The following DFFB variants were observed in gnomAD, a reference collection of about 807,000 sequenced individuals.
DFFB encodes the protein DNA fragmentation factor subunit beta.
DFFB carries 29 observed loss-of-function variants against 32.7 expected under a neutral mutation model. The observed-to-expected ratio is 0.89, with a 90% CI of 0.66 to 1.21. The LOEUF (loss-of-function observed/expected upper bound fraction) is 1.21. Ranked by LOEUF, DFFB falls within the 50% of genes most tolerant of loss-of-function variation. The pLI is 0.00. For synonymous variants in DFFB, 170 were observed against 177.1 expected, an observed-to-expected ratio of 0.96 and a Z score of 0.32; for missense variants, 398 against 440.6, an observed-to-expected ratio of 0.90 and a Z score of 0.87.
In DFFB at chr1:3,865,985, C is replaced by T. The variant is rs768591886; in HGVS notation, c.415C>T (p.Pro139Ser). 71 of 1,569,678 alleles carry T rather than the reference C, an allele frequency of 4.5e-5. No homozygotes were observed. The highest frequency in any genetic ancestry group is 6.1e-5 in the Non-Finnish European group (71 of 1,154,802). ...CGCGGCCGAGACCCGGGCTGAGGAC[C>T]CGCCGTGGTTTGAAGGTGCGTGGGG... is the stretch of plus-strand genomic sequence containing the variant. The part of the protein sequence containing the change: ...NIAAETRAED[P>S]PWFEGLESRF... Residue 139 changes from proline to serine, a missense_variant, in exon 3 of 7, where the codon CCG becomes TCG. By Grantham distance (74) the Pro-to-Ser change is moderately conservative. Coordinates refer to ENST00000378209, the MANE Select transcript of DFFB (RefSeq NM_004402.4). This position sits in a 1 kb window ranked among gnomAD's most constrained non-coding sequence, Gnocchi z 4.7.
chr1:3,872,052 C>T (rs1228600465), intron 5 of DFFB, among the ~76,000 whole-genome samples: 1 of 152,222 alleles, frequency 6.6e-6, no homozygotes, highest in East Asian at 1.9e-4. Flanking sequence ...CTAGTGCTGA[C>T]ATTTCAACAT....
intron 6 of DFFB, among the ~76,000 whole-genome samples, chr1:3,878,154 CTT>C (rs60515976): frequency 2.8e-5 from 4 of 141,704 alleles, no homozygotes; most frequent in African/African-American, 2.6e-5. Flanking sequence ...CAGTGAATAT[CTT>C]TTTTTTTTTT....
rs10909811 is a variant in DFFB, at chr1:3,869,846, G to A, written c.681+71G>A. 151,770 of 1,470,582 alleles carry A rather than the reference G, an allele frequency of 0.1. 8,353 individuals are homozygous for A. Among genetic ancestry groups the A allele is most frequent in the East Asian group, 0.21 (8,773 of 41,548 alleles). The allele number at this position is 1,470,582 out of a possible 1,614,324, so 91.1% of individuals were successfully genotyped here. On this transcript the variant is annotated intron_variant, in intron 5 of 6. Transcript: ENST00000378209. Reference sequence around the variant, plus strand: ...GAACACAGCCCGCCTGGGGCGAGGCGGGTGGGGACCTTCAGCCCTTGCCCT... The same window carrying A: ...GAACACAGCCCGCCTGGGGCGAGGCAGGTGGGGACCTTCAGCCCTTGCCCT...
rs772779769 is a variant in DFFB at position 3,858,793 on chromosome 1, C to T, written c.190C>T (p.Pro64Ser). 2.0e-5 allele frequency: 32 copies of T among 1,613,988 alleles called. No homozygotes were observed. The African/African-American group carries it at 3.2e-4, about 16-fold the overall frequency. Residue 64 changes from proline (P) to serine (S), a missense_variant, in exon 2 of 7, where the codon CCC becomes TCC. Transcript: ENST00000378209. ...ELTEDYFPSV[P>S]DNAELVLLTL... is the part of the protein sequence containing the mutation. ...GACGGAAGATTACTTCCCCAGTGTT[C>T]CCGACAACGCCGAGCTGGTGCTGCT...
At position 3,865,944 on chromosome 1, in the gene DFFB, A is replaced by T. The variant is rs920129801; in HGVS notation, c.374A>T (p.Asn125Ile). ...AGGCTGCTGGCTGACCTCCTGCACA[A>T]CGTCAGCCAGAACATCGCGGCCGAG... ...RQRLLADLLH[N>I]VSQNIAAETR... Residue 125 changes from asparagine to isoleucine, a missense_variant, in exon 3 of 7, where the codon AAC (asparagine) becomes ATC (isoleucine). Physicochemically the swap from Asn to Ile is moderately radical, Grantham distance 149 (BLOSUM62 -3). Transcript: ENST00000378209. The surrounding 1 kb of genome is among the most constrained non-coding windows in gnomAD (Gnocchi z 4.7). 6.2e-7 allele frequency: 1 copy of T among 1,605,482 alleles called. No individual in the cohort carries two copies. The highest frequency in any genetic ancestry group is 1.3e-5 in the African/African-American group (1 of 74,890).
Position 3,882,887 on chromosome 1 carries a change from T to C in DFFB, c.783-620T>C, listed in dbSNP as rs575207462. The stretch of plus-strand genomic sequence containing the variant: ...TTTTGGGGGTAAATGTATACGTAGA[T>C]GAAACGTGGAGGCAGTTAAGCCAGT... On this transcript the variant is annotated intron_variant, in intron 6 of 6. Coordinates refer to ENST00000378209, the MANE Select transcript of DFFB (RefSeq NM_004402.4). Among the ~76,000 whole-genome samples the C allele has an allele frequency of 3.9e-5, 6 of 152,238 alleles. No individual in the cohort carries two copies. The South Asian group carries it at 1.2e-3, about 32-fold the overall frequency.
chr1:3,872,376 G>A lies in DFFB; in HGVS notation c.682-96G>A, dbSNP rs1369580362. 12 of 873,136 alleles carry A rather than the reference G, an allele frequency of 1.4e-5. No homozygotes were observed. In the African/African-American group the frequency reaches 1.5e-4, roughly 11 times the overall value. The allele number at this position is 873,136 out of a possible 1,614,324, so 54.1% of individuals were successfully genotyped here. On this transcript the variant is annotated intron_variant, in intron 5 of 6. Transcript: ENST00000378209. The stretch of plus-strand genomic sequence containing the variant: ...TGTAGTAAGCCGAGATCGGGCCACT[G>A]CACTCCAGCCTGGCGACAGAGCGAG...
chr1:3,867,716 G>A lies in DFFB; in HGVS notation c.431-258G>A, dbSNP rs1645012125. On this transcript the variant is annotated intron_variant, in intron 3 of 6. Transcript: ENST00000378209. Reference sequence around the variant, plus strand: ...AACATTTAAAAAGTGAGCCAGGTGTGGTAGTGCGTCCCTGTAGTCTTAGCC... The same window carrying A: ...AACATTTAAAAAGTGAGCCAGGTGTAGTAGTGCGTCCCTGTAGTCTTAGCC... 9 of 435,764 alleles carry A rather than the reference G, an allele frequency of 2.1e-5. No homozygotes were observed. In the South Asian group the frequency reaches 2.3e-4, roughly 11 times the overall value. 27.0% of individuals were successfully genotyped at this position (435,764 alleles called of 1,614,324 possible).
intron 6 of DFFB, among the ~76,000 whole-genome samples, chr1:3,879,796 T>A (rs1645300316): frequency 6.6e-6 from 1 of 152,180 alleles, no homozygotes; most frequent in Admixed American, 6.6e-5. Context: ...CTTTTTTGGG[T>A]TCCTAAAGAG....
At chr1:3,860,053 A>G (rs1317931586) in intron 2 of DFFB, among the ~76,000 whole-genome samples, 6 of 151,626 alleles carry the variant, frequency 4.0e-5, no homozygotes, top group African/African-American at 1.2e-4. Context: ...TGAGACCGCT[A>G]GTCCTCCTCC....
rs751231800 is a variant in DFFB at position 3,867,968 on chromosome 1, T to C, written c.431-6T>C. On this transcript the variant is annotated splice_polypyrimidine_tract_variant and splice_region_variant and intron_variant, in intron 3 of 6. Transcript: ENST00000378209. ...GGACTTGGGGGTCTTCTCGTTTTCCTTGCAGGCTTGGAGTCCCGATTTCAG... is the reference window on the plus strand; with the variant it reads ...GGACTTGGGGGTCTTCTCGTTTTCCCTGCAGGCTTGGAGTCCCGATTTCAG... The C allele has an allele frequency of 3.7e-6, 6 of 1,613,984 alleles. No individual in the cohort carries two copies. The East Asian group carries it at 1.3e-4, about 36-fold the overall frequency.
At chr1:3,874,166 C>T (rs544808091) in intron 6 of DFFB, among the ~76,000 whole-genome samples, 2 of 150,600 alleles carry the variant, frequency 1.3e-5, no homozygotes, top group South Asian at 2.1e-4. Context: ...TTAACATGCA[C>T]GTACGTGGCC....
rs142521900 is a variant in DFFB at position 3,866,452 on chromosome 1, C to T, written c.430+452C>T. The T allele has an allele frequency of 4.0e-3, 845 of 213,398 alleles. 5 individuals carry two copies. Among genetic ancestry groups the T allele is most frequent in the African/African-American group, 0.019 (787 of 42,000 alleles). 13.2% of individuals were successfully genotyped at this position (213,398 alleles called of 1,614,324 possible). ...TGTATTTTTAGTAGAGATGAGGTTTCGCCATGTTGGCCAGGCTGGTCTCAA... is the reference window on the plus strand; with the variant it reads ...TGTATTTTTAGTAGAGATGAGGTTTTGCCATGTTGGCCAGGCTGGTCTCAA... On this transcript the variant is annotated intron_variant, in intron 3 of 6. Coordinates refer to ENST00000378209, the MANE Select transcript of DFFB (RefSeq NM_004402.4).
Position 3,858,794 on chromosome 1 carries a change from C to T in DFFB, c.191C>T (p.Pro64Leu). The T allele has an allele frequency of 6.2e-7, 1 of 1,614,130 alleles. No homozygotes were observed. Among genetic ancestry groups the T allele is most frequent in the Non-Finnish European group, 8.5e-7 (1 of 1,180,042 alleles). The change falls in exon 2 of 7, where the codon CCC becomes CTC. Residue 64 changes from proline to leucine, a missense_variant. Physicochemically the swap from Pro to Leu is moderately conservative, Grantham distance 98 (BLOSUM62 -3). Transcript: ENST00000378209. ...ACGGAAGATTACTTCCCCAGTGTTC[C>T]CGACAACGCCGAGCTGGTGCTGCTC... The part of the protein sequence containing the change: ...ELTEDYFPSV[P>L]DNAELVLLTL...
chr1:3,868,211 C>T (rs916289049), intron 4 of DFFB, among the ~76,000 whole-genome samples, 158 bp downstream of exon 4: 6 of 152,258 alleles, frequency 3.9e-5, no homozygotes, highest in Middle Eastern at 3.4e-3. Flanking sequence ...AGCTAGCGCA[C>T]GGACCCTGTG....
Position 3,883,890 on chromosome 1 carries a change from T to C in DFFB, c.*149T>C, listed in dbSNP as rs943469793. On this transcript the variant is annotated 3_prime_UTR_variant, in exon 7 of 7. Transcript: ENST00000378209. ...TAAAAAATGTTTCCTCCAAATCTGA[T>C]TTCATTACATTTCTGAATTGTTGGG... The C allele has an allele frequency of 4.3e-5, 27 of 634,472 alleles. No homozygotes were observed. Among genetic ancestry groups the C allele is most frequent in the Non-Finnish European group, 6.9e-5 (25 of 362,110 alleles). 39.3% of individuals were successfully genotyped at this position (634,472 alleles called of 1,614,324 possible). A position where few individuals can be genotyped will look rare whatever the true frequency, so the allele number is the denominator to read the frequency against.
At chr1:3,868,252 C>T (rs935179970) in intron 4 of DFFB, among the ~76,000 whole-genome samples, 199 bp downstream of exon 4, 8 of 152,124 alleles carry the variant, frequency 5.3e-5, no homozygotes, top group East Asian at 3.9e-4. Context: ...GAACACCCAT[C>T]GGGCCTTTTC....
chr1:3,860,377 TTACCACGTC>T, intron 2 of DFFB: 1 of 387,474 alleles, frequency 2.6e-6, no homozygotes, highest in South Asian at 1.8e-5. Flanking sequence ...CAGGCATGCA[TTACCACGTC>T]TGGCTAATTG....
chr1:3,866,038 T>C (rs1340342886), intron 3 of DFFB, 38 bp downstream of exon 3: 1 of 1,491,664 alleles, frequency 6.7e-7, no homozygotes, highest in Admixed American at 2.3e-5. Flanking sequence ...AGAGGCTTCT[T>C]TGGAGCCTGA....
Sources: allele counts gnomAD v4.1 joint callset (sites outside exome capture counted in the v4.1 genomes callset), GRCh38; gene constraint gnomAD v4.1.1; non-coding constraint Gnocchi (gnomAD v3.1); transcripts MANE v1.5; gene names NCBI Gene and HGNC (gene_info 2026-07-23, HGNC 2026-07-21).